The following JAG2 variants were observed in gnomAD, a reference collection of about 807,000 sequenced individuals.
JAG2 encodes the protein jagged canonical Notch ligand 2, also known as protein jagged-2.
Under a neutral mutation model 141.7 loss-of-function variants are expected in JAG2, and 46 were observed. That is an observed-to-expected ratio of 0.32 (90% CI 0.26 to 0.42). The LOEUF is 0.42. Ranked by LOEUF, JAG2 falls within the 10% of genes least tolerant of loss-of-function variation. The probability of loss-of-function intolerance (pLI) is 1.00; values close to 1 mark genes in which losing one functional copy is unlikely to be tolerated. For missense variants in JAG2, 1,500 were observed against 1,817.5 expected, an observed-to-expected ratio of 0.83 and a Z score of 3.18; for synonymous variants, 862 against 763.5, an observed-to-expected ratio of 1.13 and a Z score of -2.13.
In JAG2 at chr14:105,154,196, C is replaced by T. The variant is rs587621552; in HGVS notation, c.788+1366G>A. ...TCCCCGACTCCTCTCCAAAACGCCA[C>T]GCTGTGTGACCCTGGGGAAATCAGT... On this transcript the variant is annotated intron_variant, in intron 5 of 25. Coordinates refer to ENST00000331782, the MANE Select transcript of JAG2 (RefSeq NM_002226.5). This position sits in a 1 kb window ranked among gnomAD's most constrained non-coding sequence, Gnocchi z 4.4. 5.3e-5 allele frequency among the ~76,000 whole-genome samples: 8 copies of T among 152,306 alleles called. No homozygotes were observed. Among genetic ancestry groups the T allele is most frequent in the East Asian group, 3.9e-4 (2 of 5,184 alleles).
In JAG2 at chr14:105,147,537, G is replaced by A; in HGVS notation, c.2366-10C>T. ...TTGCAGTCGTTGGTATCTGGTTTGG[G>A]AGAAGAGAACGCAGGGGATCAGTAC... On this transcript the variant is annotated splice_polypyrimidine_tract_variant and intron_variant, in intron 18 of 25. Coordinates refer to ENST00000331782, the MANE Select transcript of JAG2 (RefSeq NM_002226.5). The A allele has an allele frequency of 6.2e-7, 1 of 1,611,576 alleles. No homozygotes were observed. The highest frequency in any genetic ancestry group is 8.5e-7 in the Non-Finnish European group (1 of 1,178,832).
chr14:105,145,884 C>T lies in JAG2; in HGVS notation c.2799G>A (p.Lys933=). 1 of 1,561,612 alleles carries T rather than the reference C, an allele frequency of 6.4e-7. No individual in the cohort carries two copies. The highest frequency in any genetic ancestry group is 1.2e-5 in the South Asian group (1 of 84,964). Residue 933 remains lysine, a synonymous_variant, in exon 23 of 26, where the codon AAG becomes AAA. Transcript: ENST00000331782. ...QCPLGQRCLE[K]APGQCLRPPC... ...GTGGTCGCAGACACTGGCCTGGGGC[C>T]TTCTCCAGGCACCTTTGCCCCAGTG...
chr14:105,155,684 G>A (rs587704920), intron 4 of JAG2, 54 bp downstream of exon 4: 80 of 1,612,044 alleles, frequency 5.0e-5, no homozygotes, highest in Admixed American at 1.7e-4. Flanking sequence ...GCCTGTGCCC[G>A]GGGCCCTGCC....
rs752555672 is a variant in JAG2, at chr14:105,145,108, G to A, written c.2953-47C>T. 5 of 1,604,474 alleles carry A rather than the reference G, an allele frequency of 3.1e-6. No individual in the cohort carries two copies. The African/African-American group carries it at 6.7e-5, about 21-fold the overall frequency. On this transcript the variant is annotated intron_variant, in intron 23 of 25. Transcript: ENST00000331782. Reference sequence around the variant, plus strand: ...GTGGGCAGGGCAGGGCCGTGAACCTGACACCTACATCCCTGGACTGGCGCT... The same window carrying A: ...GTGGGCAGGGCAGGGCCGTGAACCTAACACCTACATCCCTGGACTGGCGCT...
At position 105,160,858 on chromosome 14, in the gene JAG2, C is replaced by T. The variant is rs587615520; in HGVS notation, c.418-3095G>A. 6.7e-3 allele frequency among the ~76,000 whole-genome samples: 955 copies of T among 143,216 alleles called. 9 individuals carry two copies. Among genetic ancestry groups the T allele is most frequent in the African/African-American group, 0.024 (907 of 37,166 alleles). 94.0% of individuals were successfully genotyped at this position (143,216 alleles called of 152,430 possible). A position where few individuals can be genotyped will look rare whatever the true frequency, so the allele number is the denominator to read the frequency against. On this transcript the variant is annotated intron_variant, in intron 2 of 25. Coordinates refer to ENST00000331782, the MANE Select transcript of JAG2 (RefSeq NM_002226.5). ...AGCCTGGGCAACGAGGGCAAAACTCCATCTCAAAAAAAAAAAAAAAAGGCC... is the reference window on the plus strand; with the variant it reads ...AGCCTGGGCAACGAGGGCAAAACTCTATCTCAAAAAAAAAAAAAAAAGGCC...
At chr14:105,145,372 G>C (rs1888192735) in intron 23 of JAG2, among the ~76,000 whole-genome samples, 1 of 152,180 alleles carries the variant, frequency 6.6e-6, no homozygotes, top group African/African-American at 2.4e-5. Flanking sequence ...GGAGACAGGG[G>C]CCCAGCTCCA....
At chr14:105,159,071 C>G (rs1271750890) in intron 2 of JAG2, among the ~76,000 whole-genome samples, 1 of 152,010 alleles carries the variant, frequency 6.6e-6, no homozygotes, top group Non-Finnish European at 1.5e-5. Context: ...CCACGTCCAG[C>G]CCCTCCCCTA....
At chr14:105,157,152 C>G (rs1306759212) in intron 3 of JAG2, among the ~76,000 whole-genome samples, 1 of 152,208 alleles carries the variant, frequency 6.6e-6, no homozygotes, top group Non-Finnish European at 1.5e-5. Flanking sequence ...GCAGCCACAG[C>G]TTGCCAGGCG....
Position 105,147,766 on chromosome 14 carries a change from ACT to A in JAG2, c.2365+4_2365+5del. ...CGGCCCCCGCCCACACCCCTCCCACACTCACTGTGAGTGCAAGTACGACCCTC... is the reference window on the plus strand; with the variant it reads ...CGGCCCCCGCCCACACCCCTCCCACACACTGTGAGTGCAAGTACGACCCTC... On this transcript the variant is annotated splice_donor_5th_base_variant and intron_variant, in intron 18 of 25. Coordinates refer to ENST00000331782, the MANE Select transcript of JAG2 (RefSeq NM_002226.5). 2.6e-6 allele frequency: 4 copies of A among 1,530,698 alleles called. No individual in the cohort carries two copies. Among genetic ancestry groups the A allele is most frequent in the Non-Finnish European group, 3.5e-6 (4 of 1,130,650 alleles). 94.8% of individuals were successfully genotyped at this position (1,530,698 alleles called of 1,614,324 possible).
rs1888943246 is a variant in JAG2, at chr14:105,167,261, C to T, written c.417+496G>A. 6.6e-6 allele frequency among the ~76,000 whole-genome samples: 1 copy of T among 152,206 alleles called. No individual in the cohort carries two copies. The highest frequency in any genetic ancestry group is 2.1e-4 in the South Asian group (1 of 4,838). On this transcript the variant is annotated intron_variant, in intron 2 of 25. Transcript: ENST00000331782. This position sits in a 1 kb window ranked among gnomAD's most constrained non-coding sequence, Gnocchi z 4.8. ...GGCTTCTGCCGACATAAGCGTTAGG[C>T]GTTAGGCTCTCCCGGGCCTAGGTCC...
Position 105,145,770 on chromosome 14 carries a change from G to A in JAG2, c.2913C>T (p.Ala971=), listed in dbSNP as rs1407341037. 6.3e-7 allele frequency: 1 copy of A among 1,588,554 alleles called. No homozygotes were observed. The highest frequency in any genetic ancestry group is 8.6e-7 in the Non-Finnish European group (1 of 1,167,784). The stretch of plus-strand genomic sequence containing the variant: ...CACGGTTGAAATGCAAGGTGAGGCG[G>A]GCACAGTTATTGTCCAGGTGGCCGG... The part of the protein sequence containing the change: ...PRSGHLDNNC[A]RLTLHFNRDH... The change falls in exon 23 of 26, where the codon GCC becomes GCT. Residue 971 remains alanine (A), a synonymous_variant. Coordinates refer to ENST00000331782, the MANE Select transcript of JAG2 (RefSeq NM_002226.5).
chr14:105,144,775 C>T (rs1036311798), intron 24 of JAG2, among the ~76,000 whole-genome samples, 155 bp downstream of exon 24: 5 of 152,222 alleles, frequency 3.3e-5, no homozygotes, highest in South Asian at 2.1e-4. Context: ...CACGGGTCTG[C>T]GGCATGGACA....
chr14:105,163,121 A>G (rs1317839435), intron 2 of JAG2, among the ~76,000 whole-genome samples: 1 of 152,004 alleles, frequency 6.6e-6, no homozygotes, highest in African/African-American at 2.4e-5. Context: ...GGCCTCCCGC[A>G]TCAGCCTCCC....
chr14:105,153,965 C>T (rs966050631), intron 5 of JAG2, among the ~76,000 whole-genome samples: 1 of 152,230 alleles, frequency 6.6e-6, no homozygotes, highest in Non-Finnish European at 1.5e-5. Context: ...GTTGCACTTT[C>T]TGAGCTGACT....
At chr14:105,165,024 C>T (rs1888867637) in intron 2 of JAG2, among the ~76,000 whole-genome samples, 1 of 152,156 alleles carries the variant, frequency 6.6e-6, no homozygotes. Flanking sequence ...CACCACCCCG[C>T]ACAGCTGCCC....
At chr14:105,148,886 G>A in intron 14 of JAG2, 28 bp from the exon 15 acceptor site, 3 of 1,590,156 alleles carry the variant, frequency 1.9e-6, no homozygotes, top group South Asian at 2.3e-5. Context: ...GTGAGCCAGG[G>A]CCTCAGGCCA....
intron 2 of JAG2, 86 bp from the exon 3 acceptor site, chr14:105,157,849 C>T: frequency 8.0e-7 from 1 of 1,257,580 alleles, no homozygotes; most frequent in Non-Finnish European, 1.1e-6. Flanking sequence ...GGCTCAGACG[C>T]TGCCCCTGGG....
chr14:105,147,644 G>C (rs1032471333), intron 18 of JAG2, 117 bp from the exon 19 acceptor site: 7 of 1,196,200 alleles, frequency 5.9e-6, no homozygotes, highest in Non-Finnish European at 7.3e-6. Context: ...ATCAAGGAGG[G>C]TGCCTTTTGC....
chr14:105,156,852 C>G (rs1337491665), intron 3 of JAG2, among the ~76,000 whole-genome samples: 1 of 152,122 alleles, frequency 6.6e-6, no homozygotes, highest in Non-Finnish European at 1.5e-5. Context: ...GCCACCCCCT[C>G]AGGAAACACC....
Sources: gnomAD v4.1 joint callset for allele counts (sites outside exome capture counted in the v4.1 genomes callset) on GRCh38, gnomAD v4.1.1 for gene constraint, Gnocchi (gnomAD v3.1) non-coding constraint, MANE v1.5 for transcripts, NCBI Gene and HGNC (gene_info 2026-07-23, HGNC 2026-07-21) for gene names.